Variants in LYG1 observed in about 807,000 individuals in gnomAD.
LYG1 encodes lysozyme g1, also known as lysozyme g-like protein 1.
A neutral mutation model predicts 21.7 loss-of-function variants in LYG1; 17 were observed. The ratio of observed to expected loss-of-function variants is 0.78; its 90% CI spans 0.54 to 1.18. LYG1 has a LOEUF of 1.18. LYG1 is among the 50% of genes most tolerant of loss of function. The probability of loss-of-function intolerance (pLI) is 0.00; values close to 1 mark genes in which losing one functional copy is unlikely to be tolerated. For synonymous variants in LYG1, 81 were observed against 87.4 expected, an observed-to-expected ratio of 0.93 and a Z score of 0.41; for missense variants, 211 against 238.1, an observed-to-expected ratio of 0.89 and a Z score of 0.75.
chr2:99,296,438 A>G (rs976509055), intron 2 of LYG1, among the ~76,000 whole-genome samples: 1 of 152,168 alleles, frequency 6.6e-6, no homozygotes, highest in Non-Finnish European at 1.5e-5. Context: ...CGTGGCCAAC[A>G]TGGAGCACCC....
rs2094093376 is a variant in LYG1, at chr2:99,284,823, G to A, written c.334-3C>T. 2 of 1,612,476 alleles carry A rather than the reference G, an allele frequency of 1.2e-6. No individual in the cohort carries two copies. The highest frequency in any genetic ancestry group is 8.5e-7 in the Non-Finnish European group (1 of 1,179,758). On this transcript the variant is annotated splice_region_variant and splice_polypyrimidine_tract_variant and intron_variant, in intron 5 of 6. Transcript: ENST00000308528. ...GTGGGAGCTTGAGAGCCAGGGTCCT[G>A]CAGGGAAGGAGGCAGAGAAGAAGCC...
At chr2:99,291,514 G>A in intron 4 of LYG1, 93 bp from the exon 5 acceptor site, 1 of 1,375,844 alleles carries the variant, frequency 7.3e-7, no homozygotes, top group Non-Finnish European at 1.0e-6. Context: ...CCAAGGATCT[G>A]AGTAATGGTC....
upstream of LYG1, among the ~76,000 whole-genome samples, chr2:99,303,016 GA>G (rs60429754): frequency 0.015 from 2,011 of 136,292 alleles, 41 homozygotes; most frequent in East Asian, 0.053. Context: ...GCCTCCATCT[GA>G]AAAAAAAAAA....
chr2:99,297,983 A>T (rs1256415265), intron 2 of LYG1, among the ~76,000 whole-genome samples: 2 of 152,188 alleles, frequency 1.3e-5, no homozygotes, highest in African/African-American at 4.8e-5. Context: ...CTGAGTAGGT[A>T]GGGTTACAGG....
intron 5 of LYG1, 54 bp from the exon 6 acceptor site, chr2:99,284,874 C>T (rs1048518373): frequency 3.6e-5 from 57 of 1,597,654 alleles, no homozygotes; most frequent in Non-Finnish European, 4.2e-5. Context: ...GAGGGTGATC[C>T]GGCTTACTGG....
chr2:99,289,640 G>A (rs1487148204), intron 5 of LYG1, among the ~76,000 whole-genome samples: 1 of 152,072 alleles, frequency 6.6e-6, no homozygotes, highest in Non-Finnish European at 1.5e-5. Flanking sequence ...GTAGCAGTGT[G>A]ATGCCCTCCT....
intron 5 of LYG1, among the ~76,000 whole-genome samples, chr2:99,285,355 T>A (rs905548287): frequency 5.3e-5 from 8 of 151,306 alleles, no homozygotes; most frequent in African/African-American, 1.9e-4. Flanking sequence ...CATTCCATCC[T>A]GGGTGACAGA....
rs2094152527 is a variant in LYG1, at chr2:99,301,115, C to T, written c.-189G>A. 6.7e-6 allele frequency: 1 copy of T among 149,250 alleles called. No individual in the cohort carries two copies. The highest frequency in any genetic ancestry group is 2.2e-4 in the South Asian group (1 of 4,624). 9.2% of individuals were successfully genotyped at this position (149,250 alleles called of 1,614,324 possible). A position where few individuals can be genotyped will look rare whatever the true frequency, so the allele number is the denominator to read the frequency against. On this transcript the variant is annotated 5_prime_UTR_variant, in exon 1 of 7. Transcript: ENST00000308528. The stretch of plus-strand genomic sequence containing the variant: ...ACAGCGATTTATATAGAGTCCTGTT[C>T]TCTTGTTAAAAGTGTTCATCTCATC...
chr2:99,286,958 T>C (rs1347104357), intron 5 of LYG1, among the ~76,000 whole-genome samples: 3 of 152,214 alleles, frequency 2.0e-5, no homozygotes, highest in Non-Finnish European at 4.4e-5. Flanking sequence ...TCCTGCATTA[T>C]ATGACAACAT....
Position 99,295,717 on chromosome 2 carries a change from A to C in LYG1, c.-32-15T>G, listed in dbSNP as rs1486707624. On this transcript the variant is annotated splice_polypyrimidine_tract_variant and intron_variant, in intron 2 of 6. Coordinates refer to ENST00000308528, the MANE Select transcript of LYG1 (RefSeq NM_174898.3). ...CTCCTGAAACACTTTTAAAACAAAA[A>C]TTAGCTTGAGAATACAAAAATATCA... The C allele has an allele frequency of 6.2e-7, 1 of 1,612,422 alleles. No homozygotes were observed.
chr2:99,299,228 C>T (rs2094146553), intron 1 of LYG1, among the ~76,000 whole-genome samples: 1 of 150,956 alleles, frequency 6.6e-6, no homozygotes, highest in Non-Finnish European at 1.5e-5. Flanking sequence ...CGCCCAGCCC[C>T]TGGGTTTTTT....
At position 99,297,772 on chromosome 2, in the gene LYG1, T is replaced by C. The variant is rs183453755; in HGVS notation, c.-33+687A>G. On this transcript the variant is annotated intron_variant, in intron 2 of 6. Coordinates refer to ENST00000308528, the MANE Select transcript of LYG1 (RefSeq NM_174898.3). ...CTCTGTCACCCAGGCTGGAGTGCAA[T>C]GGCACGATCACGGCTCACTGCAGCC... Among the ~76,000 whole-genome samples the C allele has an allele frequency of 7.9e-5, 12 of 152,330 alleles. No homozygotes were observed. The East Asian group carries it at 2.1e-3, about 27-fold the overall frequency.
chr2:99,286,294 A>C (rs1464023390), intron 5 of LYG1, among the ~76,000 whole-genome samples: 3 of 152,224 alleles, frequency 2.0e-5, no homozygotes, highest in Admixed American at 6.5e-5. Context: ...AGACTAAGAC[A>C]ACTAGGGTTG....
rs77853705 is a variant in LYG1 at position 99,295,690 on chromosome 2, G to A, written c.-20C>T. The A allele has an allele frequency of 1.5e-3, 2,480 of 1,613,866 alleles. 32 individuals carry two copies. Among genetic ancestry groups the A allele is most frequent in the East Asian group, 1.8e-3 (81 of 44,878 alleles). The stretch of plus-strand genomic sequence containing the variant: ...AGACATGATGACGATCTGGCTCTAC[G>A]GCTCCTGAAACACTTTTAAAACAAA... On this transcript the variant is annotated 5_prime_UTR_variant, in exon 3 of 7. Transcript: ENST00000308528.
chr2:99,291,459 G>C (rs551271011), intron 4 of LYG1, 38 bp from the exon 5 acceptor site: 4 of 1,599,592 alleles, frequency 2.5e-6, no homozygotes, highest in Middle Eastern at 1.7e-4. Flanking sequence ...AGCTTGTTGT[G>C]ACTTATGCTG....
chr2:99,301,637 G>A (rs573287505), upstream of LYG1, among the ~76,000 whole-genome samples: 4 of 134,058 alleles, frequency 3.0e-5, no homozygotes, highest in East Asian at 2.3e-4. Context: ...TTTGGGCTAC[G>A]TGGTCTTTAT....
chr2:99,303,632 T>A (rs1199647098), upstream of LYG1, among the ~76,000 whole-genome samples: 1 of 152,300 alleles, frequency 6.6e-6, no homozygotes, highest in East Asian at 1.9e-4. Flanking sequence ...GCTGATTGCA[T>A]TGGAGGTGAG....
intron 5 of LYG1, among the ~76,000 whole-genome samples, chr2:99,287,475 GAC>G (rs2094103661): frequency 1.3e-5 from 2 of 152,036 alleles, no homozygotes; most frequent in African/African-American, 4.8e-5. Context: ...AAACCCCCAT[GAC>G]ACACGTTTAC....
intron 5 of LYG1, among the ~76,000 whole-genome samples, chr2:99,290,487 C>T (rs2094115110): frequency 6.6e-6 from 1 of 151,948 alleles, no homozygotes; most frequent in South Asian, 2.1e-4. Flanking sequence ...TCAAGGGAAG[C>T]AAATTTGGAG....
Sources: gnomAD v4.1 joint callset for allele counts (sites outside exome capture counted in the v4.1 genomes callset) on GRCh38, gnomAD v4.1.1 for gene constraint, MANE v1.5 for transcripts, NCBI Gene and HGNC (gene_info 2026-07-23, HGNC 2026-07-21) for gene names.